LRRC74B: variants seen among roughly 807,000 people sequenced by gnomAD.
The protein encoded by LRRC74B is leucine-rich repeat-containing protein 74B.
In LRRC74B, 30 loss-of-function variants were observed where a neutral mutation model predicts 16.6. The ratio of observed to expected loss-of-function variants is 1.80; its 90% CI spans 1.35 to 2.45. The LOEUF is 2.45. Among genes scored for constraint, LRRC74B ranks in the 30% most tolerant of loss-of-function variants. The pLI, the probability that LRRC74B is intolerant of heterozygous loss-of-function variation, is 0.00. For missense variants in LRRC74B, 326 were observed against 202.4 expected (o/e 1.61, Z -3.71); for synonymous variants, 134 against 86.0 (o/e 1.56, Z -3.09).
chr22:21,049,999 G>T (rs921446057), intron 4 of LRRC74B, among the ~76,000 whole-genome samples: 1 of 152,154 alleles, frequency 6.6e-6, no homozygotes, highest in African/African-American at 2.4e-5. Flanking sequence ...GAATGCTGGT[G>T]AATCTGTATT....
chr22:21,061,282 C>T (rs1169177805), downstream of LRRC74B, among the ~76,000 whole-genome samples: 1 of 151,738 alleles, frequency 6.6e-6, no homozygotes, highest in East Asian at 1.9e-4. Context: ...CTCACCATTG[C>T]ACTCTAGCCT....
chr22:21,060,435 A>T lies in LRRC74B; in HGVS notation c.1086A>T (p.Glu362Asp), dbSNP rs1378536769. 4.0e-5 allele frequency: 29 copies of T among 716,668 alleles called. No homozygotes were observed. The East Asian group carries it at 6.7e-4, about 17-fold the overall frequency. 44.4% of individuals were successfully genotyped at this position (716,668 alleles called of 1,614,324 possible). The change falls in exon 9 of 9, where the codon GAA becomes GAT. Residue 362 changes from glutamate (E) to aspartate (D), a missense_variant. By Grantham distance (45) the Glu-to-Asp change is conservative. Coordinates refer to ENST00000442047, the Ensembl canonical transcript of LRRC74B. ...GCTCAGTGAGGGGAATTCTTCCAGAACTCTGCATAAAGACTGGCGCTTGCA... is the reference window on the plus strand; with the variant it reads ...GCTCAGTGAGGGGAATTCTTCCAGATCTCTGCATAAAGACTGGCGCTTGCA...
In LRRC74B at chr22:21,057,522, G is replaced by A. The variant is rs562302680; in HGVS notation, c.1023+322G>A. 9.9e-4 allele frequency among the ~76,000 whole-genome samples: 149 copies of A among 150,336 alleles called. No homozygotes were observed. In the Middle Eastern group the frequency reaches 0.017, roughly 17 times the overall value. On this transcript the variant is annotated intron_variant, in intron 8 of 8. Coordinates refer to ENST00000442047, the Ensembl canonical transcript of LRRC74B. ...CTGCAGGCGCAGCACCTGCAAGGCT[G>A]CCCTCTGCCCCTCCCCTGACTGTCT...
At chr22:21,047,559 A>G (rs536302473) in intron 2 of LRRC74B, 61 bp downstream of exon 2, 1 of 700,578 alleles carries the variant, frequency 1.4e-6, no homozygotes, top group East Asian at 2.7e-5. Flanking sequence ...GACAGCAGCC[A>G]TGGGAGTGCC....
intron 8 of LRRC74B, among the ~76,000 whole-genome samples, chr22:21,059,232 A>G (rs1930694151): frequency 6.6e-6 from 1 of 152,224 alleles, no homozygotes; most frequent in South Asian, 2.1e-4. Flanking sequence ...TACTAAAAAT[A>G]CAAAAATTAG....
intron 2 of LRRC74B, 99 bp downstream of exon 2, chr22:21,047,597 C>G (rs953697505): frequency 1.5e-6 from 1 of 654,152 alleles, no homozygotes; most frequent in African/African-American, 1.8e-5. Flanking sequence ...CACTCCCCAG[C>G]TTCTGCCTGT....
chr22:21,049,616 G>C (rs557648977), intron 4 of LRRC74B, among the ~76,000 whole-genome samples: 16 of 151,686 alleles, frequency 1.1e-4, no homozygotes, highest in South Asian at 1.0e-3. Flanking sequence ...ATCAGAGGGA[G>C]AGCATTGCAA....
At chr22:21,062,939 G>A (rs1021825180), downstream of LRRC74B, 2 of 151,308 alleles carry the variant, frequency 1.3e-5, no homozygotes, top group Non-Finnish European at 2.9e-5. Context: ...GCTGAGGTGG[G>A]AGGATCACTC....
intron 2 of LRRC74B, 62 bp downstream of exon 2, chr22:21,047,560 T>C: frequency 1.4e-6 from 1 of 700,278 alleles, no homozygotes. Context: ...ACAGCAGCCA[T>C]GGGAGTGCCC....
At chr22:21,057,083 G>A (rs893096873) in intron 7 of LRRC74B, 22 bp from the exon 8 acceptor site, 1 of 716,994 alleles carries the variant, frequency 1.4e-6, no homozygotes, top group African/African-American at 1.7e-5. Flanking sequence ...GCTTCTCGCA[G>A]CTTTGTGTGC....
intron 8 of LRRC74B, among the ~76,000 whole-genome samples, chr22:21,057,520 C>T (rs1466454159): frequency 6.6e-6 from 1 of 150,504 alleles, no homozygotes; most frequent in South Asian, 2.1e-4. Context: ...ACCTGCAAGG[C>T]TGCCCTCTGC....
At chr22:21,053,705 C>A (rs1930254909) in intron 6 of LRRC74B, 2 of 338,890 alleles carry the variant, frequency 5.9e-6, no homozygotes, top group Non-Finnish European at 1.1e-5. Context: ...CCCACTGCAG[C>A]CTTGGCCTTC....
chr22:21,052,118 C>T (rs1306611753), intron 4 of LRRC74B, 131 bp from the exon 5 acceptor site: 15 of 654,570 alleles, frequency 2.3e-5, no homozygotes, highest in Non-Finnish European at 3.4e-5. Flanking sequence ...TTAAGGGCAC[C>T]GCAGGCCCAC....
chr22:21,057,704 A>C (rs1930615617), intron 8 of LRRC74B, among the ~76,000 whole-genome samples: 1 of 139,750 alleles, frequency 7.2e-6, no homozygotes, highest in African/African-American at 2.7e-5. Context: ...TGCAGTCTCA[A>C]ATTCCTTGGC....
At chr22:21,047,543 T>C in intron 2 of LRRC74B, 45 bp downstream of exon 2, 2 of 710,772 alleles carry the variant, frequency 2.8e-6, no homozygotes, top group South Asian at 1.5e-5. Flanking sequence ...GGGAGAGGCC[T>C]CGGGAGACAG....
chr22:21,052,155 GC>G (rs1197226074), intron 4 of LRRC74B, 93 bp from the exon 5 acceptor site: 7 of 696,270 alleles, frequency 1.0e-5, no homozygotes, highest in Admixed American at 4.1e-5. Flanking sequence ...TGACCCTCCT[GC>G]CCAGCAGAGG....
exon 3 of LRRC74B, chr22:21,047,907 A>G: frequency 1.4e-6 from 1 of 717,318 alleles, no homozygotes; most frequent in Non-Finnish European, 2.6e-6. Flanking sequence ...TGGCTTCCTC[A>G]TTGAGCTCCA....
intron 7 of LRRC74B, among the ~76,000 whole-genome samples, chr22:21,055,381 C>T (rs1209800924): frequency 1.3e-5 from 2 of 152,190 alleles, no homozygotes; most frequent in Non-Finnish European, 2.9e-5. Context: ...CATCTTCTTG[C>T]TGCCCTTCCT....
At position 21,059,518 on chromosome 22, in the gene LRRC74B, G is replaced by A. The variant is rs371774175; in HGVS notation, c.1024-855G>A. ...GGAGGTTTCAGTGAGCCGAGACCAT[G>A]CCAATGCATTCCAGCCTGGGTGACA... On this transcript the variant is annotated intron_variant, in intron 8 of 8. Coordinates refer to ENST00000442047, the Ensembl canonical transcript of LRRC74B. Among the ~76,000 whole-genome samples the A allele has an allele frequency of 9.8e-5, 15 of 152,314 alleles. No homozygotes were observed. The East Asian group carries it at 1.5e-3, about 16-fold the overall frequency.
Sources: gnomAD v4.1 joint callset for allele counts (sites outside exome capture counted in the v4.1 genomes callset) on GRCh38, gnomAD v4.1.1 for gene constraint, MANE v1.5 for transcripts, NCBI Gene and HGNC (gene_info 2026-07-23, HGNC 2026-07-21) for gene names.